Variants in RFC3 observed in about 807,000 individuals in gnomAD.
RFC3 encodes the protein A1 38 kDa subunit.
Under a neutral mutation model 45.1 loss-of-function variants are expected in RFC3, and 41 were observed. The ratio of observed to expected loss-of-function variants is 0.91; its 90% CI spans 0.71 to 1.18. RFC3 has a LOEUF of 1.18. Ranked by LOEUF, RFC3 falls within the 50% of genes most tolerant of loss-of-function variation. The pLI, the probability that RFC3 is intolerant of heterozygous loss-of-function variation, is 0.00. For missense variants in RFC3, 423 were observed against 428.1 expected, an observed-to-expected ratio of 0.99 and a Z score of 0.10; for synonymous variants, 149 against 144.0, an observed-to-expected ratio of 1.03 and a Z score of -0.25.
downstream of RFC3, among the ~76,000 whole-genome samples, chr13:33,842,441 G>A (rs1566390371): frequency 1.3e-5 from 2 of 152,168 alleles, no homozygotes; most frequent in Non-Finnish European, 2.9e-5. Flanking sequence ...GACTGTATCT[G>A]CTACTTGCGT....
At chr13:33,926,419 G>A (rs950232084) in intron 8 of RFC3, among the ~76,000 whole-genome samples, 1 of 151,490 alleles carries the variant, frequency 6.6e-6, no homozygotes, top group Non-Finnish European at 1.5e-5. Context: ...AACAAATGTC[G>A]GTTGTAATTG....
rs368924423 is a variant in RFC3, at chr13:33,891,547, A to T, written c.879+56330A>T. Among the ~76,000 whole-genome samples the T allele has an allele frequency of 6.6e-5, 10 of 152,304 alleles. No individual in the cohort carries two copies. The South Asian group carries it at 2.1e-3, about 32-fold the overall frequency. ...GACTAATGTGTCCTACTTAAAATCA[A>T]ATCCTTTTAAGCTAATCTAATATGG... On this transcript the variant is annotated intron_variant, in intron 8 of 8. Coordinates refer to the RFC3 transcript ENST00000434425.
At chr13:33,825,126 T>G (rs3135570) in intron 3 of RFC3, among the ~76,000 whole-genome samples, 18,813 of 152,176 alleles carry the variant, frequency 0.12, 1,558 homozygotes, top group East Asian at 0.3. Context: ...TGATTGAAAT[T>G]AACATTGAAT....
chr13:33,899,275 A>G (rs1483794477), intron 8 of RFC3, among the ~76,000 whole-genome samples: 1 of 151,442 alleles, frequency 6.6e-6, no homozygotes, highest in Non-Finnish European at 1.5e-5. Context: ...AGAGGCAAAA[A>G]AATTCTCAAC....
intron 8 of RFC3, among the ~76,000 whole-genome samples, chr13:33,904,844 G>A (rs2082662417): frequency 1.3e-5 from 2 of 152,056 alleles, no homozygotes; most frequent in Non-Finnish European, 2.9e-5. Context: ...AAATAAGCTG[G>A]GGAGGCAATG....
At chr13:33,859,281 C>T (rs2137530742) in intron 8 of RFC3, among the ~76,000 whole-genome samples, 1 of 152,146 alleles carries the variant, frequency 6.6e-6, no homozygotes, top group Non-Finnish European at 1.5e-5. Flanking sequence ...AAGAGAATTG[C>T]GATGCAAAAC....
chr13:33,920,963 A>G (rs1284909576), intron 8 of RFC3, among the ~76,000 whole-genome samples: 4 of 152,166 alleles, frequency 2.6e-5, no homozygotes, highest in Non-Finnish European at 5.9e-5. Flanking sequence ...CGTACCTCGT[A>G]TATGCCTCAG....
At chr13:33,821,358 C>A in intron 2 of RFC3, 89 bp downstream of exon 2, 1 of 1,257,742 alleles carries the variant, frequency 8.0e-7, no homozygotes, top group South Asian at 1.3e-5. Context: ...CAGTTGCTTC[C>A]TAATGTATGA....
intron 8 of RFC3, among the ~76,000 whole-genome samples, chr13:33,859,144 A>T (rs934651619): frequency 6.6e-6 from 1 of 152,238 alleles, no homozygotes; most frequent in South Asian, 2.1e-4. Flanking sequence ...GGCTTTTGAG[A>T]CTCAAAAATA....
chr13:33,943,388 A>G (rs1332808438), intron 8 of RFC3, among the ~76,000 whole-genome samples: 3 of 152,172 alleles, frequency 2.0e-5, no homozygotes, highest in Admixed American at 6.5e-5. Context: ...AACATCATAC[A>G]TATTTTCTAT....
At chr13:33,876,733 G>C (rs1223764895) in intron 8 of RFC3, among the ~76,000 whole-genome samples, 2 of 152,206 alleles carry the variant, frequency 1.3e-5, no homozygotes, top group Non-Finnish European at 2.9e-5. Flanking sequence ...TAAAGGAGAG[G>C]TTGGAATCTA....
At chr13:33,860,429 A>G (rs2082333715) in intron 8 of RFC3, among the ~76,000 whole-genome samples, 1 of 152,082 alleles carries the variant, frequency 6.6e-6, no homozygotes, top group Non-Finnish European at 1.5e-5. Context: ...AGTGCTCCAG[A>G]TGTTTGAATC....
At chr13:33,849,001 T>A (rs2082258287) in intron 8 of RFC3, 1 of 152,182 alleles carries the variant, frequency 6.6e-6, no homozygotes, top group East Asian at 1.9e-4. Flanking sequence ...TCAGTTTCCT[T>A]TGTGGAGTTT....
At chr13:33,943,903 GGA>G (rs1481975577) in intron 8 of RFC3, among the ~76,000 whole-genome samples, 2 of 152,154 alleles carry the variant, frequency 1.3e-5, no homozygotes, top group African/African-American at 2.4e-5. Context: ...GCTTTCAAGG[GGA>G]GGTAAACATA....
chr13:33,837,099 A>G lies in RFC3; in HGVS notation c.*804A>G. 1.1e-6 allele frequency: 1 copy of G among 940,228 alleles called. No individual in the cohort carries two copies. The highest frequency in any genetic ancestry group is 1.3e-6 in the Non-Finnish European group (1 of 788,820). 58.2% of individuals were successfully genotyped at this position (940,228 alleles called of 1,614,324 possible). A position where few individuals can be genotyped will look rare whatever the true frequency, so the allele number is the denominator to read the frequency against. Reference sequence around the variant, plus strand: ...AACAATTCCTTTACTACGAAGTATAATTTATAAAATAAAATATACCCATTT... The same window carrying G: ...AACAATTCCTTTACTACGAAGTATAGTTTATAAAATAAAATATACCCATTT... On this transcript the variant is annotated 3_prime_UTR_variant, in exon 9 of 9. Coordinates refer to ENST00000380071, the MANE Select transcript of RFC3 (RefSeq NM_002915.4).
intron 8 of RFC3, among the ~76,000 whole-genome samples, chr13:33,913,631 C>T (rs951963658): frequency 1.3e-5 from 2 of 152,054 alleles, no homozygotes; most frequent in Non-Finnish European, 2.9e-5. Flanking sequence ...GATGACACTA[C>T]CTAGTTAGAT....
chr13:33,835,313 C>A, intron 8 of RFC3, 96 bp downstream of exon 8: 1 of 796,066 alleles, frequency 1.3e-6, no homozygotes, highest in Non-Finnish European at 2.3e-6. Context: ...GATATCACCT[C>A]TTTCTCTCCA....
intron 8 of RFC3, among the ~76,000 whole-genome samples, chr13:33,855,523 C>G (rs1255877339): frequency 6.6e-6 from 1 of 152,064 alleles, no homozygotes; most frequent in Non-Finnish European, 1.5e-5. Context: ...AATAATAGTT[C>G]TATTTTTAGG....
intron 8 of RFC3, among the ~76,000 whole-genome samples, chr13:33,963,342 A>G (rs375517432): frequency 2.6e-5 from 4 of 152,244 alleles, no homozygotes; most frequent in African/African-American, 9.6e-5. Context: ...ATTTCCTGGC[A>G]GACATGAAGG....
Sources: gnomAD v4.1 joint callset for allele counts (sites outside exome capture counted in the v4.1 genomes callset) on GRCh38, gnomAD v4.1.1 for gene constraint, MANE v1.5 for transcripts, NCBI Gene and HGNC (gene_info 2026-07-23, HGNC 2026-07-21) for gene names.